Variants in AEBP2 observed in about 807,000 individuals in gnomAD.
The protein encoded by AEBP2 is zinc finger protein AEBP2.
Under a neutral mutation model 50.8 loss-of-function variants are expected in AEBP2, and 10 were observed. That is an observed-to-expected ratio of 0.20 (90% CI 0.12 to 0.33). The LOEUF (loss-of-function observed/expected upper bound fraction) is 0.33. AEBP2 is among the 10% of genes least tolerant of loss of function. The probability of loss-of-function intolerance (pLI) is 1.00; values close to 1 mark genes in which losing one functional copy is unlikely to be tolerated. For synonymous variants in AEBP2, 296 were observed against 261.3 expected (o/e 1.13, Z -1.28); for missense variants, 570 against 688.0 (o/e 0.83, Z 1.92).
intron 1 of AEBP2, among the ~76,000 whole-genome samples, chr12:19,444,650 A>C (rs551330158): frequency 2.0e-5 from 3 of 152,302 alleles, no homozygotes; most frequent in African/African-American, 7.2e-5. Context: ...ATTACTCTGA[A>C]GTGTTGTTTT....
intron 3 of AEBP2, among the ~76,000 whole-genome samples, chr12:19,483,728 A>G (rs893244714): frequency 2.0e-5 from 3 of 152,132 alleles, no homozygotes; most frequent in Non-Finnish European, 4.4e-5. Flanking sequence ...CCATTGTGTA[A>G]TATTAGCGGT....
intron 5 of AEBP2, 47 bp from the exon 6 acceptor site, chr12:19,512,351 G>T: frequency 1.5e-6 from 2 of 1,299,118 alleles, no homozygotes; most frequent in Non-Finnish European, 2.1e-6. Flanking sequence ...ACATGAAAAT[G>T]ATGTTTTACA....
intron 4 of AEBP2, among the ~76,000 whole-genome samples, chr12:19,499,142 T>G (rs1011185069): frequency 6.6e-6 from 1 of 152,220 alleles, no homozygotes; most frequent in Admixed American, 6.5e-5. Context: ...TAATTTACAT[T>G]TTACAAATAA....
At chr12:19,467,373 A>G (rs1455457512) in intron 2 of AEBP2, among the ~76,000 whole-genome samples, 3 of 152,306 alleles carry the variant, frequency 2.0e-5, no homozygotes, top group South Asian at 4.1e-4. Context: ...CACTCACTGC[A>G]ACCTCCACCT....
upstream of AEBP2, among the ~76,000 whole-genome samples, chr12:19,436,587 CTTTTTT>C (rs111566734): frequency 5.0e-4 from 70 of 139,924 alleles, 1 homozygote; most frequent in South Asian, 0.015. Context: ...TTTCTTTTTT[CTTTTTT>C]TTTTGGGGGG....
chr12:19,507,456 T>C (rs1044567071), intron 5 of AEBP2, among the ~76,000 whole-genome samples: 16 of 152,042 alleles, frequency 1.1e-4, no homozygotes, highest in Admixed American at 2.0e-4. Flanking sequence ...AATAAAAAAT[T>C]TGCGCAGACT....
At chr12:19,476,762 C>T (rs116897634) in intron 3 of AEBP2, among the ~76,000 whole-genome samples, 3,240 of 152,254 alleles carry the variant, frequency 0.021, 41 homozygotes, top group East Asian at 0.043. Flanking sequence ...TCCAGATTTG[C>T]TCTTTTTGCT....
chr12:19,487,713 C>G (rs540825766), intron 3 of AEBP2, among the ~76,000 whole-genome samples: 1 of 151,140 alleles, frequency 6.6e-6, no homozygotes, highest in African/African-American at 2.4e-5. Context: ...GAGACCCCAC[C>G]TTAAAAAACA....
upstream of AEBP2, among the ~76,000 whole-genome samples, chr12:19,439,334 G>A (rs748967674): frequency 6.6e-6 from 1 of 151,316 alleles, no homozygotes; most frequent in Non-Finnish European, 1.5e-5. Flanking sequence ...AGCCCGGCAG[G>A]GCGTGGGAAG....
intron 1 of AEBP2, among the ~76,000 whole-genome samples, chr12:19,419,885 G>A (rs1047216228): frequency 1.8e-4 from 27 of 151,860 alleles, no homozygotes; most frequent in African/African-American, 6.5e-4. Flanking sequence ...AGCTGAGATC[G>A]CACCACTGCG....
intron 1 of AEBP2, among the ~76,000 whole-genome samples, chr12:19,461,572 C>T (rs772402577): frequency 1.2e-4 from 18 of 151,948 alleles, no homozygotes; most frequent in South Asian, 2.1e-4. Context: ...TGCAATGGTG[C>T]GATCTCGGCT....
At chr12:19,493,077 G>A (rs1948918443) in intron 3 of AEBP2, among the ~76,000 whole-genome samples, 1 of 152,154 alleles carries the variant, frequency 6.6e-6, no homozygotes, top group African/African-American at 2.4e-5. Context: ...TCTGCTGAAG[G>A]TTTTGAAGTA....
intron 1 of AEBP2, among the ~76,000 whole-genome samples, chr12:19,411,453 C>A (rs2095739186): frequency 6.6e-6 from 1 of 152,166 alleles, no homozygotes; most frequent in African/African-American, 2.4e-5. Context: ...ATTTCCTCTT[C>A]TGTCTTTGGT....
chr12:19,493,282 T>G (rs1266708574), intron 3 of AEBP2, among the ~76,000 whole-genome samples: 1 of 151,948 alleles, frequency 6.6e-6, no homozygotes, highest in African/African-American at 2.4e-5. Flanking sequence ...ACACGTGTAA[T>G]CCCAGCTACT....
intron 2 of AEBP2, 70 bp downstream of exon 2, chr12:19,462,787 G>T: frequency 2.2e-6 from 3 of 1,379,728 alleles, no homozygotes; most frequent in African/African-American, 1.5e-5. Flanking sequence ...TTGCTAGTTA[G>T]GCTTTTTTGC....
chr12:19,404,697 G>T (rs775612207), intron 1 of AEBP2, among the ~76,000 whole-genome samples: 1 of 152,170 alleles, frequency 6.6e-6, no homozygotes, highest in African/African-American at 2.4e-5. Context: ...CCGCAGAAAA[G>T]AACGTTGGGT....
chr12:19,424,876 G>A (rs2095747735), intron 1 of AEBP2, among the ~76,000 whole-genome samples: 1 of 151,972 alleles, frequency 6.6e-6, no homozygotes, highest in Non-Finnish European at 1.5e-5. Flanking sequence ...AGGCATGGTT[G>A]TGTGCACCTG....
intron 3 of AEBP2, among the ~76,000 whole-genome samples, chr12:19,482,274 C>T (rs560175274): frequency 8.5e-4 from 130 of 152,086 alleles, no homozygotes; most frequent in Non-Finnish European, 1.4e-3. Context: ...TTCAGGTCTC[C>T]GAGCTGTGGA....
At chr12:19,423,957 T>C (rs913984614) in intron 1 of AEBP2, among the ~76,000 whole-genome samples, 1 of 152,274 alleles carries the variant, frequency 6.6e-6, no homozygotes, top group South Asian at 2.1e-4. Flanking sequence ...CCAGTATAAT[T>C]AAGGGTCCCA....
Sources: gnomAD v4.1 joint callset for allele counts (sites outside exome capture counted in the v4.1 genomes callset) on GRCh38, gnomAD v4.1.1 for gene constraint, MANE v1.5 for transcripts, NCBI Gene and HGNC (gene_info 2026-07-23, HGNC 2026-07-21) for gene names.